Variants in TECTA observed in about 807,000 individuals in gnomAD.
TECTA encodes tectorin alpha.
TECTA carries 128 observed loss-of-function variants against 216.8 expected under a neutral mutation model. The observed-to-expected ratio is 0.59, with a 90% confidence interval of 0.51 to 0.68. TECTA has a LOEUF of 0.68. TECTA is among the 30% of genes least tolerant of loss of function. TECTA has a pLI of 0.00. For synonymous variants in TECTA, 1,089 were observed against 1,117.1 expected, an observed-to-expected ratio of 0.97 and a Z score of 0.50; for missense variants, 2,551 against 2,786.2, an observed-to-expected ratio of 0.92 and a Z score of 1.90.
At chr11:121,141,921 C>T (rs1033932514) in intron 11 of TECTA, among the ~76,000 whole-genome samples, 8 of 152,154 alleles carry the variant, frequency 5.3e-5, no homozygotes, top group Admixed American at 3.9e-4. Flanking sequence ...AAATGTTGCT[C>T]ATGGAGGGTG....
At chr11:121,166,925 A>G in intron 18 of TECTA, 145 bp downstream of exon 18, 7 of 885,100 alleles carry the variant, frequency 7.9e-6, no homozygotes, top group Non-Finnish European at 1.3e-5. Flanking sequence ...GTGCAACATG[A>G]AAGACAGCAA....
chr11:121,145,982 A>G lies in TECTA; in HGVS notation c.3971A>G (p.Tyr1324Cys), dbSNP rs143871832. ...CHSKVNPTFF[Y>C]KNCLFDSCID... ...AGCAAAGTTAACCCCACCTTCTTCT[A>G]TAAGAACTGCCTGTTTGACTCTTGC... is the stretch of plus-strand genomic sequence containing the variant. The change falls in exon 12 of 24, where the codon TAT becomes TGT. Residue 1324 changes from tyrosine (Y) to cysteine (C), a missense_variant. Tyr to Cys is a radical substitution (Grantham distance 194). Transcript: ENST00000392793. 5 of 1,614,100 alleles carry G rather than the reference A, an allele frequency of 3.1e-6. No homozygotes were observed. The highest frequency in any genetic ancestry group is 2.7e-5 in the African/African-American group (2 of 74,942).
At chr11:121,172,032 T>C (rs1947117561) in intron 20 of TECTA, among the ~76,000 whole-genome samples, 1 of 152,212 alleles carries the variant, frequency 6.6e-6, no homozygotes, top group Non-Finnish European at 1.5e-5. Context: ...TATCTGTGGG[T>C]TTGTCATATA....
chr11:121,144,043 G>T (rs1946810688), intron 11 of TECTA, among the ~76,000 whole-genome samples: 1 of 152,202 alleles, frequency 6.6e-6, no homozygotes, highest in African/African-American at 2.4e-5. Flanking sequence ...GGGGTTAGGG[G>T]CCCTGGGTGG....
chr11:121,190,065 C>A (rs564024476), intron 23 of TECTA, 185 bp downstream of exon 23: 16 of 604,838 alleles, frequency 2.6e-5, no homozygotes, highest in African/African-American at 1.9e-4. Context: ...AACAAACAAA[C>A]AACAACAACA....
chr11:121,119,280 C>G (rs1197225037), intron 7 of TECTA, among the ~76,000 whole-genome samples: 1 of 152,132 alleles, frequency 6.6e-6, no homozygotes, highest in Admixed American at 6.5e-5. Flanking sequence ...GTGCAGGCAC[C>G]TGGATTGGCT....
At chr11:121,141,854 T>G (rs1482931568) in intron 11 of TECTA, among the ~76,000 whole-genome samples, 2 of 151,956 alleles carry the variant, frequency 1.3e-5, no homozygotes, top group Non-Finnish European at 2.9e-5. Flanking sequence ...GAGCTTAGAG[T>G]CTAGCGCAAG....
intron 20 of TECTA, among the ~76,000 whole-genome samples, chr11:121,184,002 T>A (rs1451111634): frequency 3.3e-5 from 5 of 152,130 alleles, no homozygotes; most frequent in African/African-American, 4.8e-5. Flanking sequence ...TTGTTCAGGC[T>A]GGTCTTGAAC....
At position 121,113,544 on chromosome 11, in the gene TECTA, G is replaced by A; in HGVS notation, c.625-9G>A. On this transcript the variant is annotated splice_polypyrimidine_tract_variant and intron_variant, in intron 5 of 23. Transcript: ENST00000392793. This position sits in a 1 kb window ranked among gnomAD's most constrained non-coding sequence, Gnocchi z 4.2. ...TACTCAAAAATCTTGTCTTCCTTTTGTGCTGCAGGCAGGATTTAATGGTGG... is the reference window on the plus strand; with the variant it reads ...TACTCAAAAATCTTGTCTTCCTTTTATGCTGCAGGCAGGATTTAATGGTGG... 6.2e-7 allele frequency: 1 copy of A among 1,614,016 alleles called. No homozygotes were observed. The highest frequency in any genetic ancestry group is 8.5e-7 in the Non-Finnish European group (1 of 1,180,028).
chr11:121,161,548 T>TCCCCTCCCCTCCTTTCCCC (rs1946998854), intron 15 of TECTA, among the ~76,000 whole-genome samples: 1 of 19,834 alleles, frequency 5.0e-5, no homozygotes, highest in Non-Finnish European at 1.2e-4. Context: ...CCTCCTTCCC[T>TCCCCTCCCCTCCTTTCCCC]TCCCTTCCCT....
Position 121,118,523 on chromosome 11 carries a change from C to T in TECTA, c.1008C>T (p.Phe336=). The T allele has an allele frequency of 1.2e-6, 2 of 1,614,182 alleles. No individual in the cohort carries two copies. The highest frequency in any genetic ancestry group is 1.1e-5 in the South Asian group (1 of 91,080). ...GEPHYHTFDG[F]LFHFQGSCAY... is the part of the protein sequence containing the mutation. ...CACACTACCACACTTTTGACGGCTT[C>T]CTCTTCCACTTCCAAGGCTCCTGTG... The change falls in exon 7 of 24, where the codon TTC becomes TTT. Residue 336 remains phenylalanine, a synonymous_variant. Transcript: ENST00000392793.
chr11:121,128,605 A>C (rs1012209403), intron 9 of TECTA, among the ~76,000 whole-genome samples: 9 of 152,226 alleles, frequency 5.9e-5, no homozygotes, highest in African/African-American at 2.2e-4. Context: ...AACACTTACT[A>C]TGTGCCAAGC....
intron 11 of TECTA, among the ~76,000 whole-genome samples, chr11:121,142,517 CT>C (rs1396799242): frequency 6.6e-6 from 1 of 152,206 alleles, no homozygotes; most frequent in Non-Finnish European, 1.5e-5. Flanking sequence ...ATTTGCAAGC[CT>C]TTTAGCTTCA....
chr11:121,179,706 T>A (rs1481761672), intron 20 of TECTA, among the ~76,000 whole-genome samples: 3 of 152,158 alleles, frequency 2.0e-5, no homozygotes, highest in African/African-American at 7.2e-5. Context: ...GCTGTGATGT[T>A]GGATGGATAT....
Position 121,191,181 on chromosome 11 carries a change from A to G in TECTA, c.*375A>G, listed in dbSNP as rs138394771. On this transcript the variant is annotated 3_prime_UTR_variant, in exon 24 of 24. Transcript: ENST00000392793. The stretch of plus-strand genomic sequence containing the variant: ...TGCTATTTCTGGATCACAGTTTTTT[A>G]CAGAGAGAGGGCCTGTTGGAACGAT... The G allele has an allele frequency of 6.8e-4, 217 of 318,230 alleles. 1 individual carries two copies. Among genetic ancestry groups the G allele is most frequent in the East Asian group, 5.7e-4 (7 of 12,288 alleles). 19.7% of individuals were successfully genotyped at this position (318,230 alleles called of 1,614,324 possible). A position where few individuals can be genotyped will look rare whatever the true frequency, so the allele number is the denominator to read the frequency against.
chr11:121,188,851 T>C (rs1224509501), intron 21 of TECTA, among the ~76,000 whole-genome samples: 1 of 152,072 alleles, frequency 6.6e-6, no homozygotes, highest in Non-Finnish European at 1.5e-5. Flanking sequence ...GAGAGGTTTT[T>C]AAAAAGGAAA....
In TECTA at chr11:121,160,165, A is replaced by G. The variant is rs147354818; in HGVS notation, c.4720A>G (p.Ile1574Val). The change falls in exon 15 of 24, where the codon ATA becomes GTA. Residue 1574 changes from isoleucine to valine, a missense_variant. This residue lies in a region of TECTA where 2,375 missense variants were observed against 2,563.9 expected (regional missense o/e 0.93). Transcript: ENST00000392793. Reference sequence around the variant, plus strand: ...TGGCACACAAGTGAATGTTCCATTTATAACTGGTTTGGCAACCAAAATCTA... The same window carrying G: ...TGGCACACAAGTGAATGTTCCATTTGTAACTGGTTTGGCAACCAAAATCTA... ...VNGTQVNVPFITGLATKIYSS... is the reference protein window; with the variant it reads ...VNGTQVNVPFVTGLATKIYSS... 2,482 of 1,614,236 alleles carry G rather than the reference A, an allele frequency of 1.5e-3. 5 individuals are homozygous for G. The highest frequency in any genetic ancestry group is 1.8e-3 in the Non-Finnish European group (2,137 of 1,180,048).
chr11:121,137,714 G>T lies in TECTA; in HGVS notation c.3235G>T (p.Asp1079Tyr). ...RVHCETIPCK[D>Y]DEYCMEEGGL... Reference sequence around the variant, plus strand: ...CCACTGCGAGACCATTCCCTGCAAGGATGATGAGTACTGCATGGAGGAAGG... The same window carrying T: ...CCACTGCGAGACCATTCCCTGCAAGTATGATGAGTACTGCATGGAGGAAGG... The change falls in exon 11 of 24, where the codon GAT becomes TAT. Residue 1079 changes from aspartate (D) to tyrosine (Y), a missense_variant. This residue lies in a region of TECTA where 2,375 missense variants were observed against 2,563.9 expected (regional missense o/e 0.93). Coordinates refer to ENST00000392793, the MANE Select transcript of TECTA (RefSeq NM_005422.4). The T allele has an allele frequency of 6.2e-7, 1 of 1,614,088 alleles. No homozygotes were observed. Among genetic ancestry groups the T allele is most frequent in the Non-Finnish European group, 8.5e-7 (1 of 1,180,030 alleles).
At position 121,158,048 on chromosome 11, in the gene TECTA, T is replaced by C; in HGVS notation, c.4513T>C (p.Phe1505Leu). 1.9e-6 allele frequency: 3 copies of C among 1,613,516 alleles called. No individual in the cohort carries two copies. Among genetic ancestry groups the C allele is most frequent in the Non-Finnish European group, 2.5e-6 (3 of 1,179,970 alleles). ...CACCTTCGACGGCGCCTTCCTGCGCTTCCCAGCCAACTGCGCCTTCGTGCT... is the reference window on the plus strand; with the variant it reads ...CACCTTCGACGGCGCCTTCCTGCGCCTCCCAGCCAACTGCGCCTTCGTGCT... ...FRTFDGAFLR[F>L]PANCAFVLST... Residue 1505 changes from phenylalanine to leucine, a missense_variant, in exon 14 of 24, where the codon TTC (phenylalanine) becomes CTC (leucine). Physicochemically the swap from Phe to Leu is conservative, Grantham distance 22. Coordinates refer to ENST00000392793, the MANE Select transcript of TECTA (RefSeq NM_005422.4).
Sources: gnomAD v4.1 joint callset for allele counts (sites outside exome capture counted in the v4.1 genomes callset) on GRCh38, gnomAD v4.1.1 for gene constraint, gnomAD v4.1.1 regional missense constraint, Gnocchi (gnomAD v3.1) non-coding constraint, MANE v1.5 for transcripts, NCBI Gene and HGNC (gene_info 2026-07-23, HGNC 2026-07-21) for gene names.